Variants in HNF4A observed in about 807,000 individuals in gnomAD.
HNF4A encodes the protein hepatocyte nuclear factor 4-alpha.
A neutral mutation model predicts 52.4 loss-of-function variants in HNF4A; 15 were observed. The ratio of observed to expected loss-of-function variants is 0.29; its 90% confidence interval spans 0.19 to 0.44. The LOEUF (loss-of-function observed/expected upper bound fraction) is 0.44, where lower values mean the gene tolerates loss of function less well. Among genes scored for constraint, HNF4A ranks in the 20% least tolerant of loss-of-function variants. The pLI is 1.00. For synonymous variants in HNF4A, 280 were observed against 264.4 expected (o/e 1.06, Z -0.57); for missense variants, 479 against 647.2 (o/e 0.74, Z 2.82).
intron 1 of HNF4A, among the ~76,000 whole-genome samples, chr20:44,357,744 A>G (rs1478689011): frequency 1.3e-5 from 2 of 152,046 alleles, no homozygotes; most frequent in African/African-American, 4.8e-5. Context: ...ATGTTCTACT[A>G]TTATCTCTCA....
At position 44,414,405 on chromosome 20, in the gene HNF4A, C is replaced by A. The variant is rs531531408; in HGVS notation, c.493-102C>A. 4 of 1,551,504 alleles carry A rather than the reference C, an allele frequency of 2.6e-6. No individual in the cohort carries two copies. In the East Asian group the frequency reaches 6.8e-5, roughly 26 times the overall value. ...GCTGGAGGGCACCCACTATCCAGCCCCCTCCCCACATCTGATTCCAGGGAG... is the reference window on the plus strand; with the variant it reads ...GCTGGAGGGCACCCACTATCCAGCCACCTCCCCACATCTGATTCCAGGGAG... On this transcript the variant is annotated intron_variant, in intron 4 of 9. Coordinates refer to ENST00000316099, the MANE Select transcript of HNF4A (RefSeq NM_000457.6).
At chr20:44,394,402 A>T (rs1391269556) in intron 1 of HNF4A, among the ~76,000 whole-genome samples, 2 of 152,136 alleles carry the variant, frequency 1.3e-5, no homozygotes, top group Admixed American at 1.3e-4. Flanking sequence ...CAAATAAAAT[A>T]TTAAGACTAC....
At chr20:44,424,353 C>A (rs755348915) in intron 8 of HNF4A, 99 bp downstream of exon 8, 15 of 1,558,226 alleles carry the variant, frequency 9.6e-6, no homozygotes, top group South Asian at 1.2e-5. Flanking sequence ...GGCTTCCCCA[C>A]TGTGCCGCTT....
At chr20:44,374,391 A>G (rs765717369) in intron 1 of HNF4A, among the ~76,000 whole-genome samples, 6 of 152,070 alleles carry the variant, frequency 3.9e-5, no homozygotes, top group Non-Finnish European at 8.8e-5. Flanking sequence ...ATACTATTCC[A>G]TAGTGTATAT....
upstream of HNF4A, among the ~76,000 whole-genome samples, chr20:44,399,320 A>G (rs1255901012): frequency 6.6e-6 from 1 of 152,184 alleles, no homozygotes; most frequent in Middle Eastern, 3.2e-3. Context: ...GGAGAAATTG[A>G]AGCCCTGAGA....
chr20:44,365,704 G>T (rs1361025701), intron 1 of HNF4A, among the ~76,000 whole-genome samples: 1 of 152,086 alleles, frequency 6.6e-6, no homozygotes, highest in Non-Finnish European at 1.5e-5. Context: ...AAAACAATAA[G>T]TTATAACTAA....
At chr20:44,411,386 C>T (rs1012914837) in intron 3 of HNF4A, among the ~76,000 whole-genome samples, 8 of 152,330 alleles carry the variant, frequency 5.3e-5, no homozygotes, top group African/African-American at 9.6e-5. Flanking sequence ...TGACTGAGCT[C>T]GCGCCGGGCA....
chr20:44,364,498 T>G (rs2062951049), intron 1 of HNF4A, among the ~76,000 whole-genome samples: 1 of 151,576 alleles, frequency 6.6e-6, no homozygotes. Flanking sequence ...CTAGATGGAG[T>G]CTTGCTCTGT....
At chr20:44,363,706 CTT>C (rs11480026) in intron 1 of HNF4A, among the ~76,000 whole-genome samples, 1,208 of 107,406 alleles carry the variant, frequency 0.011, 10 homozygotes, top group African/African-American at 0.037. Context: ...TCCATCTACT[CTT>C]TTTTTTTTTT....
chr20:44,365,659 A>G (rs1251586908), intron 1 of HNF4A, among the ~76,000 whole-genome samples: 4 of 152,212 alleles, frequency 2.6e-5, no homozygotes, highest in Non-Finnish European at 4.4e-5. Context: ...GGAGAAAATG[A>G]AATTCTTAAA....
At chr20:44,383,930 A>G (rs1372398417) in intron 1 of HNF4A, among the ~76,000 whole-genome samples, 2 of 151,786 alleles carry the variant, frequency 1.3e-5, no homozygotes, top group African/African-American at 4.8e-5. Context: ...GGCTCACTGC[A>G]ACCTCCGCCT....
At position 44,413,729 on chromosome 20, in the gene HNF4A, A is replaced by T; in HGVS notation, c.421A>T (p.Arg141Trp). Reference sequence around the variant, plus strand: ...TGAGCGGGACCGGATCAGCACTCGAAGGTCAAGCTATGAGGACAGCAGCCT... The same window carrying T: ...TGAGCGGGACCGGATCAGCACTCGATGGTCAAGCTATGAGGACAGCAGCCT... Residue 141 changes from arginine (R) to tryptophan (W), a missense_variant, in exon 4 of 10, where the codon AGG (arginine) becomes TGG (tryptophan). Arg to Trp is a moderately radical substitution (Grantham distance 101). Transcript: ENST00000316099. 1.2e-6 allele frequency: 2 copies of T among 1,613,862 alleles called. No homozygotes were observed. The highest frequency in any genetic ancestry group is 1.7e-6 in the Non-Finnish European group (2 of 1,179,944).
intron 1 of HNF4A, 45 bp from the exon 2 acceptor site, chr20:44,406,013 C>T (rs1475098060): frequency 1.3e-6 from 2 of 1,581,014 alleles, no homozygotes; most frequent in East Asian, 2.2e-5. Context: ...AGATGCCTGA[C>T]ATTCTGTTCT....
chr20:44,373,420 CA>C (rs2063053642), intron 1 of HNF4A, among the ~76,000 whole-genome samples: 1 of 152,112 alleles, frequency 6.6e-6, no homozygotes, highest in Non-Finnish European at 1.5e-5. Context: ...ATGATCCTTC[CA>C]ACTCAGCCTC....
intron 1 of HNF4A, among the ~76,000 whole-genome samples, chr20:44,369,595 A>C (rs566923599): frequency 2.0e-5 from 3 of 152,302 alleles, no homozygotes; most frequent in African/African-American, 7.2e-5. Context: ...GCCATGTTTC[A>C]CATCCCAGCT....
intron 1 of HNF4A, among the ~76,000 whole-genome samples, chr20:44,386,673 G>A (rs969873001): frequency 2.6e-5 from 4 of 152,126 alleles, no homozygotes; most frequent in Non-Finnish European, 5.9e-5. Flanking sequence ...GAAAAGTGCT[G>A]CTGACATCTA....
At position 44,415,650 on chromosome 20, in the gene HNF4A, G is replaced by T. The variant is rs543408345; in HGVS notation, c.648+988G>T. On this transcript the variant is annotated intron_variant, in intron 5 of 9. Coordinates refer to ENST00000316099, the MANE Select transcript of HNF4A (RefSeq NM_000457.6). ...AGACACTGACAATGCATGTGAGTCT[G>T]TGAAAGCTTCTGAGAAGTCTCGTCC... is the stretch of plus-strand genomic sequence containing the variant. 5.3e-5 allele frequency among the ~76,000 whole-genome samples: 8 copies of T among 152,330 alleles called. No individual in the cohort carries two copies. The South Asian group carries it at 1.7e-3, about 32-fold the overall frequency.
chr20:44,387,664 G>GA (rs2063245177), intron 1 of HNF4A, among the ~76,000 whole-genome samples: 1 of 94,386 alleles, frequency 1.1e-5, no homozygotes, highest in African/African-American at 3.4e-5. Flanking sequence ...GCGGGGGGGG[G>GA]GGGAGGCGGG....
At chr20:44,372,789 T>C (rs1478775685) in intron 1 of HNF4A, 1 of 152,048 alleles carries the variant, frequency 6.6e-6, no homozygotes, top group Non-Finnish European at 1.5e-5. Flanking sequence ...GAGAAGATGG[T>C]GTCATGGCTT....
Sources: gnomAD v4.1 joint callset for allele counts (sites outside exome capture counted in the v4.1 genomes callset) on GRCh38, gnomAD v4.1.1 for gene constraint, MANE v1.5 for transcripts, NCBI Gene and HGNC (gene_info 2026-07-23, HGNC 2026-07-21) for gene names.